Variants in PMS2 observed in about 807,000 individuals in gnomAD.
PMS2 encodes the protein PMS1 homolog 2, mismatch repair system component.
PMS2 carries 69 observed loss-of-function variants against 90.0 expected under a neutral mutation model. The observed-to-expected ratio is 0.77, with a 90% confidence interval of 0.63 to 0.94. The LOEUF is 0.94. Among genes scored for constraint, PMS2 ranks in the 40% least tolerant of loss-of-function variants. The pLI is 0.00. For missense variants in PMS2, 966 were observed against 1,040.2 expected, an observed-to-expected ratio of 0.93 and a Z score of 0.98; for synonymous variants, 332 against 375.1, an observed-to-expected ratio of 0.89 and a Z score of 1.33.
intron 12 of PMS2, among the ~76,000 whole-genome samples, chr7:5,981,738 G>C (rs895305689): frequency 3.3e-5 from 5 of 151,760 alleles, no homozygotes; most frequent in Non-Finnish European, 7.4e-5. Flanking sequence ...CTGATACTTA[G>C]AGAACATGTT....
At chr7:5,997,727 T>A (rs1049800367) in intron 6 of PMS2, among the ~76,000 whole-genome samples, 1 of 152,006 alleles carries the variant, frequency 6.6e-6, no homozygotes, top group Non-Finnish European at 1.5e-5. Context: ...TTTTTAATTT[T>A]TTTGTAGAGA....
At chr7:5,983,115 C>A (rs1324915974) in intron 11 of PMS2, 124 bp from the exon 12 acceptor site, 2 of 1,402,238 alleles carry the variant, frequency 1.4e-6, no homozygotes, top group South Asian at 1.3e-5. Flanking sequence ...CTAGCCATCC[C>A]GCTTTCTTTT....
At chr7:6,008,122 G>T (rs1182888669) in intron 1 of PMS2, among the ~76,000 whole-genome samples, 2 of 152,130 alleles carry the variant, frequency 1.3e-5, no homozygotes, top group African/African-American at 4.8e-5. Context: ...CTCCCAAAGT[G>T]CTGGGATTAT....
intron 11 of PMS2, among the ~76,000 whole-genome samples, chr7:5,984,185 C>T (rs1782607761): frequency 6.6e-6 from 1 of 151,748 alleles, no homozygotes; most frequent in Admixed American, 6.6e-5. Context: ...TGTGAAAAGT[C>T]ACACTCCCAC....
rs1479722146 is a variant in PMS2, at chr7:6,002,504, T to C, written c.486A>G (p.Leu162=). The change falls in exon 5 of 15, where the codon TTA becomes TTG. Residue 162 remains leucine, a synonymous_variant. Transcript: ENST00000265849. ...TATGGCGCACAGGTAGTGTGGAAAA[T>C]AACTGCTGCACGCTGACTGTGGTCC... ...PRGTTVSVQQ[L]FSTLPVRHKE... is the part of the protein sequence containing the mutation. 1.2e-6 allele frequency: 2 copies of C among 1,611,702 alleles called. No homozygotes were observed. Among genetic ancestry groups the C allele is most frequent in the Middle Eastern group, 2.3e-4 (1 of 4,430 alleles).
intron 6 of PMS2, among the ~76,000 whole-genome samples, chr7:5,998,498 G>C (rs553714221): frequency 3.5e-4 from 52 of 150,180 alleles, no homozygotes; most frequent in Non-Finnish European, 6.5e-4. Flanking sequence ...TTCGAGGCCA[G>C]TCTGGCCAAC....
At chr7:6,007,054 C>T (rs1052792417) in intron 1 of PMS2, among the ~76,000 whole-genome samples, 3 of 151,712 alleles carry the variant, frequency 2.0e-5, no homozygotes, top group African/African-American at 7.3e-5. Context: ...TTTTCAGAAT[C>T]TCTCTAATCC....
intron 10 of PMS2, among the ~76,000 whole-genome samples, chr7:5,988,152 A>ATCAG (rs1783274127): frequency 1.3e-5 from 2 of 152,124 alleles, no homozygotes; most frequent in African/African-American, 4.8e-5. Flanking sequence ...GCTCACAAAG[A>ATCAG]TCAGGATCAA....
At chr7:6,007,371 C>G (rs1785920172) in intron 1 of PMS2, among the ~76,000 whole-genome samples, 1 of 152,136 alleles carries the variant, frequency 6.6e-6, no homozygotes, top group South Asian at 2.1e-4. Flanking sequence ...CTGCCTCGGC[C>G]TCCCAAAGTG....
intron 12 of PMS2, among the ~76,000 whole-genome samples, chr7:5,982,545 C>T (rs1014790790): frequency 1.3e-5 from 2 of 152,022 alleles, no homozygotes; most frequent in African/African-American, 4.8e-5. Context: ...CCACGTTGGC[C>T]AGGCTGGTCT....
At chr7:6,004,682 T>C (rs374546170) in intron 2 of PMS2, among the ~76,000 whole-genome samples, 2 of 143,132 alleles carry the variant, frequency 1.4e-5, no homozygotes, top group Non-Finnish European at 3.0e-5. Flanking sequence ...GCCATTGCAC[T>C]ATAGCCTGGG....
At chr7:5,981,634 C>T (rs1782291180) in intron 12 of PMS2, among the ~76,000 whole-genome samples, 1 of 151,160 alleles carries the variant, frequency 6.6e-6, no homozygotes, top group African/African-American at 2.5e-5. Flanking sequence ...ACATTCCATA[C>T]ACTATGCATA....
chr7:6,001,375 T>TC (rs1188602048), intron 5 of PMS2, among the ~76,000 whole-genome samples: 1 of 148,646 alleles, frequency 6.7e-6, no homozygotes, highest in Non-Finnish European at 1.5e-5. Flanking sequence ...GAAATATTCT[T>TC]TTTTTTTTTT....
chr7:5,989,102 G>C (rs1330188686), intron 10 of PMS2, among the ~76,000 whole-genome samples: 1 of 152,034 alleles, frequency 6.6e-6, no homozygotes, highest in Admixed American at 6.6e-5. Context: ...CGCCCGCCTT[G>C]GCCTCCCAAA....
At chr7:6,002,862 G>C (rs1404875213) in intron 4 of PMS2, among the ~76,000 whole-genome samples, 1 of 152,108 alleles carries the variant, frequency 6.6e-6, no homozygotes, top group African/African-American at 2.4e-5. Context: ...TTTGATAAAA[G>C]CTTTGATTTC....
intron 1 of PMS2, 52 bp downstream of exon 1, chr7:6,008,945 C>T (rs2128865073): frequency 6.2e-7 from 1 of 1,609,724 alleles, no homozygotes; most frequent in South Asian, 1.1e-5. Context: ...TGCCGTGGGT[C>T]TCAAAGAGGG....
rs760629688 is a variant in PMS2, at chr7:5,986,837, T to C, written c.1928A>G (p.Gln643Arg). The change falls in exon 11 of 15, where the codon CAG (glutamine) becomes CGG (arginine). Residue 643 changes from glutamine (Q) to arginine (R), a missense_variant. By Grantham distance (43) the Gln-to-Arg change is conservative (BLOSUM62 1). Transcript: ENST00000265849. ...HHEAQQSEGE[Q>R]NYRKFRAKIC... ...CTTTGCCCTAAACTTCCTGTAATTC[T>C]GTTCCCCTTCACTTTGCTGTGCTTC... 8 of 1,613,728 alleles carry C rather than the reference T, an allele frequency of 5.0e-6. No individual in the cohort carries two copies. In the East Asian group the frequency reaches 1.6e-4, roughly 31 times the overall value.
At chr7:6,003,667 A>C in intron 4 of PMS2, 23 bp downstream of exon 4, 2 of 1,264,626 alleles carry the variant, frequency 1.6e-6, no homozygotes, top group Non-Finnish European at 2.3e-6. Flanking sequence ...GGGTCAAGTG[A>C]GTGGATAAAA....
chr7:6,007,428 C>T (rs1157159110), intron 1 of PMS2, among the ~76,000 whole-genome samples: 2 of 152,160 alleles, frequency 1.3e-5, no homozygotes, highest in African/African-American at 4.8e-5. Flanking sequence ...TATTGTAGCA[C>T]AGTGAACAAC....
Sources: gnomAD v4.1 joint callset for allele counts (sites outside exome capture counted in the v4.1 genomes callset) on GRCh38, gnomAD v4.1.1 for gene constraint, MANE v1.5 for transcripts, NCBI Gene and HGNC (gene_info 2026-07-23, HGNC 2026-07-21) for gene names.